RTN1: variants seen among roughly 807,000 people sequenced by gnomAD.
RTN1 encodes the protein reticulon 1, also known as reticulon-1.
A neutral mutation model predicts 65.5 loss-of-function variants in RTN1; 25 were observed. The ratio of observed to expected loss-of-function variants is 0.38; its 90% CI spans 0.28 to 0.53. The LOEUF is 0.53. RTN1 is among the 20% of genes least tolerant of loss of function. RTN1 has a pLI of 0.79. For missense variants in RTN1, 983 were observed against 1,025.4 expected (o/e 0.96, Z 0.57); for synonymous variants, 471 against 447.6 (o/e 1.05, Z -0.66).
intron 3 of RTN1, among the ~76,000 whole-genome samples, chr14:59,688,431 A>G (rs7148643): frequency 0.016 from 2,419 of 152,236 alleles, 68 homozygotes; most frequent in African/African-American, 0.055. Flanking sequence ...ATGCCATCAG[A>G]GGGCCTGTAA....
At chr14:59,645,663 C>T (rs578221190) in intron 3 of RTN1, among the ~76,000 whole-genome samples, 43 of 152,124 alleles carry the variant, frequency 2.8e-4, no homozygotes, top group South Asian at 8.3e-4. Context: ...CATGGGGACC[C>T]GGCACTGGTC....
intron 3 of RTN1, among the ~76,000 whole-genome samples, chr14:59,643,913 T>C (rs1211182656): frequency 1.3e-5 from 2 of 152,038 alleles, no homozygotes; most frequent in African/African-American, 2.4e-5. Flanking sequence ...AAAAACTTAC[T>C]ATGACTAGGT....
At chr14:59,813,892 T>C (rs1216172620) in intron 1 of RTN1, among the ~76,000 whole-genome samples, 1 of 152,234 alleles carries the variant, frequency 6.6e-6, no homozygotes, top group Non-Finnish European at 1.5e-5. Flanking sequence ...TTTTTACTGA[T>C]AGACGTCATG....
At chr14:59,726,270 A>G (rs897624173) in intron 3 of RTN1, among the ~76,000 whole-genome samples, 1 of 152,216 alleles carries the variant, frequency 6.6e-6, no homozygotes, top group Non-Finnish European at 1.5e-5. Context: ...TAATGACCAC[A>G]TTAAATTCAT....
rs1268618203 is a variant in RTN1 at position 59,790,233 on chromosome 14, T to A, written c.242-43752A>T. Among the ~76,000 whole-genome samples the A allele has an allele frequency of 1.3e-5, 2 of 152,000 alleles. No individual in the cohort carries two copies. Among genetic ancestry groups the A allele is most frequent in the Non-Finnish European group, 2.9e-5 (2 of 67,938 alleles). On this transcript the variant is annotated intron_variant, in intron 1 of 8. Coordinates refer to ENST00000267484, the MANE Select transcript of RTN1 (RefSeq NM_021136.3). This position sits in a 1 kb window ranked among gnomAD's most constrained non-coding sequence, Gnocchi z 4.1. ...ACTAGTCTATAATTTTGTAACTTTT[T>A]AAGTGGTAACAATCTACTCATTCAT... is the stretch of plus-strand genomic sequence containing the variant.
chr14:59,852,128 G>T (rs539333390), intron 1 of RTN1, among the ~76,000 whole-genome samples: 1 of 152,230 alleles, frequency 6.6e-6, no homozygotes, highest in East Asian at 1.9e-4. Flanking sequence ...TAAAAGGTTT[G>T]CTAAACAAAT....
chr14:59,631,132 A>C (rs992276057), intron 3 of RTN1, among the ~76,000 whole-genome samples: 11 of 152,216 alleles, frequency 7.2e-5, no homozygotes, highest in Admixed American at 6.5e-4. Flanking sequence ...CTTCTGAAGA[A>C]TTGCCAGATT....
chr14:59,606,245 A>C (rs1262762597), intron 4 of RTN1: 3 of 151,200 alleles, frequency 2.0e-5, no homozygotes, highest in Non-Finnish European at 4.4e-5. Flanking sequence ...CCTAGAGGAT[A>C]TTTCTAGAGT....
At chr14:59,722,089 A>G (rs1884660330) in intron 3 of RTN1, among the ~76,000 whole-genome samples, 1 of 152,224 alleles carries the variant, frequency 6.6e-6, no homozygotes, top group Non-Finnish European at 1.5e-5. Flanking sequence ...TTTCTATGGG[A>G]TAAATTCCTA....
At chr14:59,801,388 A>T (rs1169463503) in intron 1 of RTN1, among the ~76,000 whole-genome samples, 2 of 152,230 alleles carry the variant, frequency 1.3e-5, no homozygotes, top group Non-Finnish European at 1.5e-5. Flanking sequence ...GAGGAAAGAT[A>T]AGAACTATAA....
chr14:59,645,167 C>T (rs1882863632), intron 3 of RTN1, among the ~76,000 whole-genome samples: 1 of 151,120 alleles, frequency 6.6e-6, no homozygotes, highest in African/African-American at 2.4e-5. Flanking sequence ...TTTACAACTA[C>T]CCTCGCCAGT....
intron 1 of RTN1, among the ~76,000 whole-genome samples, chr14:59,807,093 G>C (rs1886652880): frequency 6.6e-6 from 1 of 152,222 alleles, no homozygotes; most frequent in Non-Finnish European, 1.5e-5. Flanking sequence ...GAGGCTGAGA[G>C]AGTGAAAGGA....
At chr14:59,820,179 C>G (rs1375272431) in intron 1 of RTN1, among the ~76,000 whole-genome samples, 1 of 151,434 alleles carries the variant, frequency 6.6e-6, no homozygotes, top group Non-Finnish European at 1.5e-5. Flanking sequence ...TTGTTGGCCA[C>G]ATGTATGTCT....
At chr14:59,611,735 G>A (rs75402368) in intron 3 of RTN1, among the ~76,000 whole-genome samples, 9,157 of 152,214 alleles carry the variant, frequency 0.06, 356 homozygotes, top group Non-Finnish European at 0.087. Context: ...GGAAGATTTC[G>A]AGGAGGTTTC....
intron 1 of RTN1, among the ~76,000 whole-genome samples, chr14:59,793,262 C>A (rs968850075): frequency 1.6e-4 from 25 of 152,208 alleles, no homozygotes; most frequent in African/African-American, 6.0e-4. Flanking sequence ...ACACTTTTTT[C>A]TAGAAACTGA....
At chr14:59,771,498 G>A (rs894119920) in intron 1 of RTN1, among the ~76,000 whole-genome samples, 3 of 152,182 alleles carry the variant, frequency 2.0e-5, no homozygotes, top group Non-Finnish European at 4.4e-5. Context: ...AAAATGCCAT[G>A]CCTAAATTAA....
chr14:59,725,184 G>A (rs985440946), intron 3 of RTN1, among the ~76,000 whole-genome samples: 1 of 152,188 alleles, frequency 6.6e-6, no homozygotes, highest in African/African-American at 2.4e-5. Flanking sequence ...TTCATCAGGT[G>A]TCTGGTCAGT....
At chr14:59,750,412 G>GTATAATATATAATATATC (rs1437201068) in intron 1 of RTN1, among the ~76,000 whole-genome samples, 1 of 34,972 alleles carries the variant, frequency 2.9e-5, no homozygotes, top group Admixed American at 5.5e-4. Context: ...TATATTATAT[G>GTATAATATATAATATATC]TATAATATAT....
intron 3 of RTN1, among the ~76,000 whole-genome samples, chr14:59,656,206 CTG>C (rs548587142): frequency 2.7e-4 from 41 of 151,438 alleles, no homozygotes; most frequent in African/African-American, 9.2e-4. Flanking sequence ...AGACTAGGAG[CTG>C]GGAGGTGGGG....
Sources: allele counts gnomAD v4.1 joint callset (sites outside exome capture counted in the v4.1 genomes callset), GRCh38; gene constraint gnomAD v4.1.1; non-coding constraint Gnocchi (gnomAD v3.1); transcripts MANE v1.5; gene names NCBI Gene and HGNC (gene_info 2026-07-23, HGNC 2026-07-21).